The following FBLN1 variants were observed in gnomAD, a reference collection of about 807,000 sequenced individuals.
FBLN1 encodes fibulin-1.
FBLN1 carries 34 observed loss-of-function variants against 89.7 expected under a neutral mutation model. That is an observed-to-expected ratio of 0.38 (90% CI 0.29 to 0.50). FBLN1 has a LOEUF of 0.50. FBLN1 is among the 20% of genes least tolerant of loss of function. FBLN1 has a pLI of 0.92. For missense variants in FBLN1, 777 were observed against 988.1 expected (o/e 0.79, Z 2.86); for synonymous variants, 393 against 391.3 (o/e 1.00, Z -0.05).
In FBLN1 at chr22:45,572,957, T is replaced by A. The variant is rs1255213373; in HGVS notation, c.1698-1554T>A. Among the ~76,000 whole-genome samples, 1 of 152,254 alleles carries A rather than the reference T, an allele frequency of 6.6e-6. No homozygotes were observed. On this transcript the variant is annotated intron_variant, in intron 14 of 16. Coordinates refer to ENST00000327858, the MANE Select transcript of FBLN1 (RefSeq NM_006486.3). This position sits in a 1 kb window ranked among gnomAD's most constrained non-coding sequence, Gnocchi z 5.8. The stretch of plus-strand genomic sequence containing the variant: ...GGAAAATAAAGGAGGCCGGGCACGT[T>A]GGCTCACGCCTGTAATCCCAACACT...
chr22:45,512,039 C>A (rs972437681), intron 1 of FBLN1, among the ~76,000 whole-genome samples: 5 of 152,018 alleles, frequency 3.3e-5, no homozygotes, highest in African/African-American at 1.2e-4. Context: ...TCCCCTGAGG[C>A]CCTGCTTCTC....
Position 45,574,386 on chromosome 22 carries a change from A to G in FBLN1, c.1698-125A>G. 9.8e-7 allele frequency: 1 copy of G among 1,017,906 alleles called. No homozygotes were observed. Among genetic ancestry groups the G allele is most frequent in the Non-Finnish European group, 1.5e-6 (1 of 668,306 alleles). The allele number at this position is 1,017,906 out of a possible 1,614,324, so 63.1% of individuals were successfully genotyped here. A position where few individuals can be genotyped will look rare whatever the true frequency, so the allele number is the denominator to read the frequency against. ...CTGCAGAGACCACTGTCGTTCTCTG[A>G]TGGAGCTGTCTCTGGGACAGATGCC... is the stretch of plus-strand genomic sequence containing the variant. On this transcript the variant is annotated intron_variant, in intron 14 of 16. Transcript: ENST00000327858. This position sits in a 1 kb window ranked among gnomAD's most constrained non-coding sequence, Gnocchi z 4.1.
chr22:45,600,498 G>T lies in FBLN1; in HGVS notation c.*52G>T. ...TGCACCTCCAGGCCAAATCATTGCT[G>T]CCAGTGACTGTGGTCTGTACTTGTT... On this transcript the variant is annotated 3_prime_UTR_variant, in exon 17 of 17. Transcript: ENST00000327858. 1 of 1,608,958 alleles carries T rather than the reference G, an allele frequency of 6.2e-7. No individual in the cohort carries two copies.
rs2088795306 is a variant in FBLN1, at chr22:45,556,872, C to G, written c.1697+6257C>G. ...GCAGGAACAGGAAGCAAAAATTTTG[C>G]TAGTGGATCACTAGGGGTGATGGTG... On this transcript the variant is annotated intron_variant, in intron 14 of 16. Transcript: ENST00000327858. This position sits in a 1 kb window ranked among gnomAD's most constrained non-coding sequence, Gnocchi z 4.6. 6.6e-6 allele frequency among the ~76,000 whole-genome samples: 1 copy of G among 152,140 alleles called. No individual in the cohort carries two copies. The highest frequency in any genetic ancestry group is 2.1e-4 in the South Asian group (1 of 4,830).
At chr22:45,514,827 A>G (rs2088148466) in intron 1 of FBLN1, among the ~76,000 whole-genome samples, 2 of 152,184 alleles carry the variant, frequency 1.3e-5, no homozygotes, top group African/African-American at 2.4e-5. Flanking sequence ...GGAGCAAGAA[A>G]GAACAGTGTT....
Position 45,584,208 on chromosome 22 carries a change from A to C in FBLN1, c.1972+7100A>C, listed in dbSNP as rs116684036. On this transcript the variant is annotated intron_variant, in intron 16 of 16. Transcript: ENST00000327858. ...AGGATGAGAAGCCGGCACAACACCC[A>C]GGCTTTTCCATGAAAGTGAACTTGA... 2.0e-3 allele frequency among the ~76,000 whole-genome samples: 301 copies of C among 152,318 alleles called. 1 individual carries two copies. Among genetic ancestry groups the C allele is most frequent in the African/African-American group, 6.8e-3 (283 of 41,564 alleles).
In FBLN1 at chr22:45,572,989, G is replaced by A. The variant is rs1417197192; in HGVS notation, c.1698-1522G>A. The stretch of plus-strand genomic sequence containing the variant: ...CGCCTGTAATCCCAACACTTTGGGA[G>A]GCCAAGGTGGGTGGGTCACCTGAGG... On this transcript the variant is annotated intron_variant, in intron 14 of 16. Coordinates refer to ENST00000327858, the MANE Select transcript of FBLN1 (RefSeq NM_006486.3). This position sits in a 1 kb window ranked among gnomAD's most constrained non-coding sequence, Gnocchi z 5.8. Among the ~76,000 whole-genome samples, 1 of 152,240 alleles carries A rather than the reference G, an allele frequency of 6.6e-6. No homozygotes were observed. The highest frequency in any genetic ancestry group is 2.4e-5 in the African/African-American group (1 of 41,462).
In FBLN1 at chr22:45,563,357, C is replaced by T. The variant is rs1300371218; in HGVS notation, c.1698-11154C>T. On this transcript the variant is annotated intron_variant, in intron 14 of 16. Coordinates refer to ENST00000327858, the MANE Select transcript of FBLN1 (RefSeq NM_006486.3). The surrounding 1 kb of genome is among the most constrained non-coding windows in gnomAD (Gnocchi z 5.7). ...ATAAAGTCTTAGCAAGCGTCCCACA[C>T]AGTGAGCCTCGCGTGCCTTGGTTTT... is the stretch of plus-strand genomic sequence containing the variant. 2 of 1,589,106 alleles carry T rather than the reference C, an allele frequency of 1.3e-6. No individual in the cohort carries two copies. Among genetic ancestry groups the T allele is most frequent in the African/African-American group, 2.7e-5 (2 of 74,576 alleles).
Position 45,555,073 on chromosome 22 carries a change from A to ACCCGTCCCCGTCTCCACCACAGGAGGTTG in FBLN1, c.1697+4458_1697+4459insCCCGTCCCCGTCTCCACCACAGGAGGTTG, listed in dbSNP as rs1569254112. Among the ~76,000 whole-genome samples the ACCCGTCCCCGTCTCCACCACAGGAGGTTG allele has an allele frequency of 2.2e-5, 3 of 136,612 alleles. 1 individual carries two copies. Among genetic ancestry groups the ACCCGTCCCCGTCTCCACCACAGGAGGTTG allele is most frequent in the African/African-American group, 9.3e-5 (3 of 32,384 alleles). The allele number at this position is 136,612 out of a possible 152,430, so 89.6% of individuals were successfully genotyped here. Reference sequence around the variant, plus strand: ...GTCCCCGTCTCCACCGCAGGAGGTTAGGACCCGTCCCCGTCTCCACCGCAG... The same window carrying ACCCGTCCCCGTCTCCACCACAGGAGGTTG: ...GTCCCCGTCTCCACCGCAGGAGGTTACCCGTCCCCGTCTCCACCACAGGAGGTTGGGACCCGTCCCCGTCTCCACCGCAG... On this transcript the variant is annotated intron_variant, in intron 14 of 16. Transcript: ENST00000327858.
Position 45,590,520 on chromosome 22 carries a change from G to T in FBLN1, c.1973-9787G>T, listed in dbSNP as rs1290994548. Among the ~76,000 whole-genome samples, 1 of 152,172 alleles carries T rather than the reference G, an allele frequency of 6.6e-6. No individual in the cohort carries two copies. The highest frequency in any genetic ancestry group is 1.5e-5 in the Non-Finnish European group (1 of 68,026). ...GGGGGTAGGGTGAGAAGAGCCCCCTGCAGAGCCACAGTGGGCCCCCACGGT... is the reference window on the plus strand; with the variant it reads ...GGGGGTAGGGTGAGAAGAGCCCCCTTCAGAGCCACAGTGGGCCCCCACGGT... On this transcript the variant is annotated intron_variant, in intron 16 of 16. Coordinates refer to ENST00000327858, the MANE Select transcript of FBLN1 (RefSeq NM_006486.3). The surrounding 1 kb of genome is among the most constrained non-coding windows in gnomAD (Gnocchi z 4.1).
chr22:45,585,482 C>G (rs1305168185), intron 16 of FBLN1, among the ~76,000 whole-genome samples: 2 of 152,242 alleles, frequency 1.3e-5, no homozygotes, highest in Non-Finnish European at 2.9e-5. Flanking sequence ...TTCAGAAATT[C>G]CACCTAAAAA....
rs369461467 is a variant in FBLN1, at chr22:45,600,316, G to A, written c.1982G>A (p.Arg661His). 21 of 1,614,160 alleles carry A rather than the reference G, an allele frequency of 1.3e-5. No individual in the cohort carries two copies. Among genetic ancestry groups the A allele is most frequent in the Admixed American group, 1.7e-5 (1 of 60,028 alleles). Residue 661 changes from arginine to histidine, a missense_variant, in exon 17 of 17, where the codon CGC (arginine) becomes CAC (histidine). By Grantham distance (29) the Arg-to-His change is conservative (BLOSUM62 0). Coordinates refer to ENST00000327858, the MANE Select transcript of FBLN1 (RefSeq NM_006486.3). ...TCTGCTCTCTCCGCAGGTGTCGTGC[G>A]CCAGGTGCGGCCCATCGTGGGCCCA... ...YMDGMTVGVV[R>H]QVRPIVGPFH...
At position 45,597,222 on chromosome 22, in the gene FBLN1, C is replaced by T. The variant is rs1023621988; in HGVS notation, c.1973-3085C>T. On this transcript the variant is annotated intron_variant, in intron 16 of 16. Transcript: ENST00000327858. This position sits in a 1 kb window ranked among gnomAD's most constrained non-coding sequence, Gnocchi z 4.2. ...TTTGCCACGTTGCCCACGCTGGTCT[C>T]GAACTCATGGGCTTGTGATCTGCCC... Among the ~76,000 whole-genome samples the T allele has an allele frequency of 6.6e-6, 1 of 152,130 alleles. No individual in the cohort carries two copies. The highest frequency in any genetic ancestry group is 1.5e-5 in the Non-Finnish European group (1 of 68,042).
intron 1 of FBLN1, chr22:45,517,513 C>T (rs981641024): frequency 1.5e-5 from 7 of 468,994 alleles, no homozygotes; most frequent in African/African-American, 4.0e-5. Context: ...TCATTTGGGC[C>T]GTGGCCTGGC....
Position 45,543,420 on chromosome 22 carries a change from C to T in FBLN1, c.1215C>T (p.Arg405=). The part of the protein sequence containing the change: ...RMCVDVNECQ[R]YPGRLCGHKC... The stretch of plus-strand genomic sequence containing the variant: ...TTTCAGATGTCAACGAGTGCCAGCG[C>T]TACCCCGGGCGCCTGTGTGGCCACA... The change falls in exon 11 of 17, where the codon CGC becomes CGT. Residue 405 remains arginine, a synonymous_variant. Coordinates refer to ENST00000327858, the MANE Select transcript of FBLN1 (RefSeq NM_006486.3). The T allele has an allele frequency of 6.2e-7, 1 of 1,613,386 alleles. No homozygotes were observed.
rs1317601965 is a variant in FBLN1, at chr22:45,590,547, G to A, written c.1973-9760G>A. On this transcript the variant is annotated intron_variant, in intron 16 of 16. Coordinates refer to ENST00000327858, the MANE Select transcript of FBLN1 (RefSeq NM_006486.3). This position sits in a 1 kb window ranked among gnomAD's most constrained non-coding sequence, Gnocchi z 4.1. ...AGAGCCACAGTGGGCCCCCACGGTT[G>A]GATTTACCTCCTGGCTCTGAGCACA... Among the ~76,000 whole-genome samples, 3 of 152,272 alleles carry A rather than the reference G, an allele frequency of 2.0e-5. No individual in the cohort carries two copies. The highest frequency in any genetic ancestry group is 7.2e-5 in the African/African-American group (3 of 41,552).
chr22:45,592,373 C>T (rs1168686149), intron 16 of FBLN1, among the ~76,000 whole-genome samples: 2 of 152,200 alleles, frequency 1.3e-5, no homozygotes, highest in African/African-American at 4.8e-5. Flanking sequence ...GTCACCCAGG[C>T]TGGAGTGTGG....
chr22:45,566,564 A>G (rs1488489776), intron 14 of FBLN1, among the ~76,000 whole-genome samples: 1 of 152,226 alleles, frequency 6.6e-6, no homozygotes, highest in African/African-American at 2.4e-5. Context: ...GACCCTGGAT[A>G]CATCGTCAGC....
chr22:45,576,943 GTGC>G lies in FBLN1; in HGVS notation c.1841-31_1841-29del, dbSNP rs1477312450. 1 of 1,612,222 alleles carries G rather than the reference GTGC, an allele frequency of 6.2e-7. No individual in the cohort carries two copies. The highest frequency in any genetic ancestry group is 1.7e-5 in the Admixed American group (1 of 59,998). ...CTGGGACTGGGGCTGGGGCCAGGCT[GTGC>G]TGAGCCCTTCTCCATTCTGTGCCTC... On this transcript the variant is annotated intron_variant, in intron 15 of 16. Transcript: ENST00000327858. This position sits in a 1 kb window ranked among gnomAD's most constrained non-coding sequence, Gnocchi z 5.2.
Sources: allele counts gnomAD v4.1 joint callset (sites outside exome capture counted in the v4.1 genomes callset), GRCh38; gene constraint gnomAD v4.1.1; non-coding constraint Gnocchi (gnomAD v3.1); transcripts MANE v1.5; gene names NCBI Gene and HGNC (gene_info 2026-07-23, HGNC 2026-07-21).